GFOD1: variants seen among roughly 807,000 people sequenced by gnomAD.
GFOD1 encodes the protein glucose-fructose oxidoreductase domain-containing protein 1.
A neutral mutation model predicts 25.4 loss-of-function variants in GFOD1; 9 were observed. The ratio of observed to expected loss-of-function variants is 0.35; its 90% CI spans 0.21 to 0.62. GFOD1 has a LOEUF of 0.62. Ranked by LOEUF, GFOD1 falls within the 20% of genes least tolerant of loss-of-function variation. The pLI is 0.72. For missense variants in GFOD1, 403 were observed against 556.9 expected (o/e 0.72, Z 2.78); for synonymous variants, 253 against 245.6 (o/e 1.03, Z -0.28).
Position 13,360,690 on chromosome 6 carries a change from C to T in GFOD1, c.*4053G>A. ...ACACTGGCTACTTCTATGTGCAGCT[C>T]TACAGCCTCCTGGCAGAACATCAGA... On this transcript the variant is annotated 3_prime_UTR_variant, in exon 2 of 2. Coordinates refer to ENST00000379287, the MANE Select transcript of GFOD1 (RefSeq NM_018988.4). 4.4e-6 allele frequency: 2 copies of T among 456,732 alleles called. No individual in the cohort carries two copies. 28.3% of individuals were successfully genotyped at this position (456,732 alleles called of 1,614,324 possible).
intron 1 of GFOD1, among the ~76,000 whole-genome samples, chr6:13,410,375 C>G (rs1361881275): frequency 6.6e-6 from 1 of 152,128 alleles, no homozygotes; most frequent in East Asian, 1.9e-4. Context: ...TGAGACCAGA[C>G]TAACCAACAT....
intron 1 of GFOD1, among the ~76,000 whole-genome samples, chr6:13,405,321 C>T (rs494971): frequency 0.99 from 150,263 of 152,382 alleles, 74,126 homozygotes; most frequent in Middle Eastern, 1. Flanking sequence ...CTAATAGCTA[C>T]GTTAATTAAG....
intron 1 of GFOD1, chr6:13,470,063 G>A (rs1290009120): frequency 7.2e-7 from 1 of 1,384,048 alleles, no homozygotes; most frequent in Admixed American, 1.9e-5. Flanking sequence ...TAGCCACTCA[G>A]TAAATGGGTG....
rs536462249 is a variant in GFOD1 at position 13,402,348 on chromosome 6, C to G, written c.254-36686G>C. On this transcript the variant is annotated intron_variant, in intron 1 of 1. Coordinates refer to ENST00000379287, the MANE Select transcript of GFOD1 (RefSeq NM_018988.4). ...ATAACATATATAACTTGAACTTCAT[C>G]GAAACAAAAAACTGTACTTTAAAGG... Among the ~76,000 whole-genome samples, 240 of 152,050 alleles carry G rather than the reference C, an allele frequency of 1.6e-3. 1 individual carries two copies. Among genetic ancestry groups the G allele is most frequent in the African/African-American group, 5.4e-3 (225 of 41,500 alleles).
rs868322591 is a variant in GFOD1, at chr6:13,363,734, A to G, written c.*1009T>C. ...CCTGGCTAGGCTCACTTTACCCTCTATTTAGGAATTCACACTGCAACACTG... is the reference window on the plus strand; with the variant it reads ...CCTGGCTAGGCTCACTTTACCCTCTGTTTAGGAATTCACACTGCAACACTG... On this transcript the variant is annotated 3_prime_UTR_variant, in exon 2 of 2. Transcript: ENST00000379287. 6.6e-6 allele frequency: 1 copy of G among 151,864 alleles called. No homozygotes were observed. The highest frequency in any genetic ancestry group is 2.4e-5 in the African/African-American group (1 of 41,346). 9.4% of individuals were successfully genotyped at this position (151,864 alleles called of 1,614,324 possible). A position where few individuals can be genotyped will look rare whatever the true frequency, so the allele number is the denominator to read the frequency against.
intron 1 of GFOD1, among the ~76,000 whole-genome samples, chr6:13,420,133 C>T (rs1033764044): frequency 9.0e-5 from 12 of 134,036 alleles, no homozygotes; most frequent in African/African-American, 3.6e-4. Context: ...GCATGGGATC[C>T]GTGCCTTTGA....
chr6:13,467,853 A>G (rs114124688), intron 1 of GFOD1, among the ~76,000 whole-genome samples: 2,096 of 152,310 alleles, frequency 0.014, 30 homozygotes, highest in Non-Finnish European at 0.022. Flanking sequence ...ACAACGGGAG[A>G]GTCCCTAGAC....
intron 1 of GFOD1, among the ~76,000 whole-genome samples, chr6:13,379,803 C>T (rs1785323408): frequency 6.6e-6 from 1 of 152,104 alleles, no homozygotes; most frequent in South Asian, 2.1e-4. Flanking sequence ...TTGATTTGGA[C>T]ATGGAGGAAG....
chr6:13,444,236 T>A (rs1194534903), intron 1 of GFOD1, among the ~76,000 whole-genome samples: 1 of 152,198 alleles, frequency 6.6e-6, no homozygotes, highest in East Asian at 1.9e-4. Flanking sequence ...GAGGCTATTA[T>A]CCTTAGCAAA....
At chr6:13,374,290 T>C (rs1332923555) in intron 1 of GFOD1, among the ~76,000 whole-genome samples, 1 of 149,194 alleles carries the variant, frequency 6.7e-6, no homozygotes, top group Admixed American at 6.7e-5. Flanking sequence ...TGTGTGTGTG[T>C]GTGTGTGTGT....
intron 1 of GFOD1, among the ~76,000 whole-genome samples, chr6:13,429,558 C>T (rs553514418): frequency 8.5e-5 from 13 of 152,256 alleles, no homozygotes; most frequent in Non-Finnish European, 1.8e-4. Flanking sequence ...CGTCATAAAG[C>T]TTGGCCAGAA....
At chr6:13,483,244 A>G (rs1415957025) in intron 1 of GFOD1, among the ~76,000 whole-genome samples, 1 of 152,184 alleles carries the variant, frequency 6.6e-6, no homozygotes, top group African/African-American at 2.4e-5. Context: ...AGGAAGCGGT[A>G]ACACTTGGGC....
intron 1 of GFOD1, among the ~76,000 whole-genome samples, chr6:13,381,915 GCACACACACACACA>G (rs112808546): frequency 5.0e-5 from 7 of 140,142 alleles, no homozygotes; most frequent in East Asian, 2.1e-4. Flanking sequence ...ACGCGCGCGC[GCACACACACACACA>G]CACACACACA....
intron 1 of GFOD1, among the ~76,000 whole-genome samples, chr6:13,409,382 AG>A (rs1786029790): frequency 6.6e-6 from 1 of 151,440 alleles, no homozygotes; most frequent in Non-Finnish European, 1.5e-5. Context: ...GAAGGAAGGA[AG>A]GAAGGAAGGA....
chr6:13,392,282 G>C (rs1202147285), intron 1 of GFOD1, among the ~76,000 whole-genome samples: 1 of 149,434 alleles, frequency 6.7e-6, no homozygotes, highest in Non-Finnish European at 1.5e-5. Flanking sequence ...AGGATCACTT[G>C]AGCACGGGAG....
At chr6:13,401,464 A>G (rs1785843183) in intron 1 of GFOD1, among the ~76,000 whole-genome samples, 1 of 152,214 alleles carries the variant, frequency 6.6e-6, no homozygotes. Context: ...GATGCTAGCT[A>G]TGGTATTTAC....
At chr6:13,367,059 T>G (rs1785062169) in intron 1 of GFOD1, among the ~76,000 whole-genome samples, 4 of 151,478 alleles carry the variant, frequency 2.6e-5, no homozygotes, top group African/African-American at 7.3e-5. Context: ...AAATATATTG[T>G]TACAGTTATC....
intron 1 of GFOD1, among the ~76,000 whole-genome samples, chr6:13,426,873 C>T (rs973317973): frequency 1.3e-5 from 2 of 152,322 alleles, no homozygotes; most frequent in East Asian, 3.9e-4. Context: ...GAAGAACATG[C>T]CCCTGGTGCC....
At chr6:13,452,192 G>A (rs1471494858) in intron 1 of GFOD1, among the ~76,000 whole-genome samples, 4 of 152,148 alleles carry the variant, frequency 2.6e-5, no homozygotes, top group Admixed American at 6.6e-5. Flanking sequence ...TGCCTGACCC[G>A]AGACTGGATC....
Sources: allele counts gnomAD v4.1 joint callset (sites outside exome capture counted in the v4.1 genomes callset), GRCh38; gene constraint gnomAD v4.1.1; transcripts MANE v1.5; gene names NCBI Gene and HGNC (gene_info 2026-07-23, HGNC 2026-07-21).